Variants in RPS6KC1 observed in about 807,000 individuals in gnomAD.
RPS6KC1 encodes the protein ribosomal protein S6 kinase C1.
Under a neutral mutation model 103.8 loss-of-function variants are expected in RPS6KC1, and 54 were observed. That is an observed-to-expected ratio of 0.52 (90% CI 0.42 to 0.65). RPS6KC1 has a LOEUF of 0.65. Among genes scored for constraint, RPS6KC1 ranks in the 30% least tolerant of loss-of-function variants. RPS6KC1 has a pLI of 0.00. For missense variants in RPS6KC1, 1,151 were observed against 1,253.8 expected, an observed-to-expected ratio of 0.92 and a Z score of 1.24; for synonymous variants, 439 against 438.7, an observed-to-expected ratio of 1.00 and a Z score of -0.01.
the RPS6KC1 span, among the ~76,000 whole-genome samples, chr1:213,624,270 A>G: frequency 6.6e-6 from 1 of 152,244 alleles, no homozygotes; most frequent in Non-Finnish European, 1.5e-5. Flanking sequence ...GCATTGTGCC[A>G]GGTGAGAAAA....
the RPS6KC1 span, among the ~76,000 whole-genome samples, chr1:213,652,546 C>T: frequency 6.6e-6 from 1 of 152,278 alleles, no homozygotes; most frequent in South Asian, 2.1e-4. Flanking sequence ...CTGGGATGCT[C>T]ATGGGATTTG....
chr1:213,558,543 G>A, the RPS6KC1 span, among the ~76,000 whole-genome samples: 1 of 152,168 alleles, frequency 6.6e-6, no homozygotes, highest in Admixed American at 6.5e-5. Flanking sequence ...CTACCCATTG[G>A]AGCTTTTCAG....
chr1:213,566,462 T>TGGA, the RPS6KC1 span, among the ~76,000 whole-genome samples: 2 of 37,108 alleles, frequency 5.4e-5, no homozygotes, highest in African/African-American at 1.5e-4. Flanking sequence ...TTTTTTTTTT[T>TGGA]TTTTTTTTTT....
chr1:213,556,383 A>G, the RPS6KC1 span, among the ~76,000 whole-genome samples: 1 of 152,242 alleles, frequency 6.6e-6, no homozygotes, highest in African/African-American at 2.4e-5. Flanking sequence ...ATAGTACATT[A>G]TTTAAGTGTC....
intron 12 of RPS6KC1, among the ~76,000 whole-genome samples, chr1:213,246,003 A>G (rs2094448570): frequency 6.6e-6 from 1 of 152,182 alleles, no homozygotes; most frequent in Non-Finnish European, 1.5e-5. Flanking sequence ...CCACTTTTTT[A>G]TATTAAAGAA....
the RPS6KC1 span, among the ~76,000 whole-genome samples, chr1:213,522,818 G>T: frequency 2.0e-5 from 3 of 152,192 alleles, no homozygotes; most frequent in Admixed American, 1.3e-4. Flanking sequence ...AGAGTATTTT[G>T]GCTGGTTTGC....
the RPS6KC1 span, among the ~76,000 whole-genome samples, chr1:213,415,519 A>G: frequency 4.6e-5 from 7 of 152,194 alleles, no homozygotes; most frequent in African/African-American, 1.7e-4. Context: ...ATTGGGGACA[A>G]GAGAAACTGA....
the RPS6KC1 span, among the ~76,000 whole-genome samples, chr1:213,497,426 AC>A: frequency 6.6e-6 from 1 of 152,028 alleles, no homozygotes; most frequent in Non-Finnish European, 1.5e-5. Context: ...TAACAATTAA[AC>A]CCCATCCAAA....
chr1:213,101,037 C>T (rs1044545313), intron 3 of RPS6KC1, among the ~76,000 whole-genome samples: 3 of 152,178 alleles, frequency 2.0e-5, no homozygotes, highest in East Asian at 1.9e-4. Flanking sequence ...CTAATTTACA[C>T]TCCCACCAAC....
At chr1:213,151,873 G>A (rs1231190274) in intron 6 of RPS6KC1, among the ~76,000 whole-genome samples, 4 of 114,116 alleles carry the variant, frequency 3.5e-5, no homozygotes, top group Admixed American at 1.6e-4. Flanking sequence ...CTGGCCGGGC[G>A]GGGGGCTGAT....
intron 12 of RPS6KC1, among the ~76,000 whole-genome samples, chr1:213,258,037 C>T (rs1232939976): frequency 2.0e-5 from 3 of 151,614 alleles, no homozygotes; most frequent in Non-Finnish European, 2.9e-5. Flanking sequence ...GCTGGAATGC[C>T]GTGGCATGAT....
chr1:213,849,084 G>C, the RPS6KC1 span, among the ~76,000 whole-genome samples: 1 of 152,212 alleles, frequency 6.6e-6, no homozygotes, highest in African/African-American at 2.4e-5. Context: ...AGGGAATGAG[G>C]AGTGAGGAAT....
At chr1:213,711,466 G>T in the RPS6KC1 span, among the ~76,000 whole-genome samples, 2 of 152,040 alleles carry the variant, frequency 1.3e-5, no homozygotes, top group Non-Finnish European at 2.9e-5. Context: ...TGCTCCTTAA[G>T]CTCAGAGGAG....
At chr1:213,301,926 G>A in the RPS6KC1 span, among the ~76,000 whole-genome samples, 4 of 151,936 alleles carry the variant, frequency 2.6e-5, no homozygotes, top group Non-Finnish European at 5.9e-5. Context: ...AGTAGAGAAG[G>A]GGTTTCGCCA....
the RPS6KC1 span, among the ~76,000 whole-genome samples, chr1:213,415,820 C>T: frequency 6.6e-6 from 1 of 152,196 alleles, no homozygotes; most frequent in East Asian, 1.9e-4. Context: ...TCTAAATGCT[C>T]ATGGTAATGG....
chr1:213,222,906 G>A (rs2093870763), intron 8 of RPS6KC1, among the ~76,000 whole-genome samples: 1 of 152,104 alleles, frequency 6.6e-6, no homozygotes, highest in Non-Finnish European at 1.5e-5. Context: ...TTGCCCATCT[G>A]GTTAAAAATT....
chr1:213,822,340 C>G, the RPS6KC1 span: 1 of 152,114 alleles, frequency 6.6e-6, no homozygotes, highest in Non-Finnish European at 1.5e-5. Flanking sequence ...AATCTCTTCT[C>G]TATCTATTCC....
chr1:213,503,306 T>A, the RPS6KC1 span, among the ~76,000 whole-genome samples: 1 of 152,180 alleles, frequency 6.6e-6, no homozygotes, highest in African/African-American at 2.4e-5. Context: ...ACCTAGTCAG[T>A]CTTTTCACAG....
At chr1:213,181,269 G>A (rs771607269) in intron 8 of RPS6KC1, among the ~76,000 whole-genome samples, 4 of 152,168 alleles carry the variant, frequency 2.6e-5, no homozygotes, top group Non-Finnish European at 5.9e-5. Flanking sequence ...CAAATTTATT[G>A]TCACTGAAAA....
Sources: gnomAD v4.1 joint callset for allele counts (sites outside exome capture counted in the v4.1 genomes callset) on GRCh38, gnomAD v4.1.1 for gene constraint, MANE v1.5 for transcripts, NCBI Gene and HGNC (gene_info 2026-07-23, HGNC 2026-07-21) for gene names.